SLC13A3: variants seen among roughly 807,000 people sequenced by gnomAD.
SLC13A3 encodes the protein solute carrier family 13 member 3, also known as Na(+)/dicarboxylate cotransporter 3.
In SLC13A3, 40 loss-of-function variants were observed where a neutral mutation model predicts 59.0. That is an observed-to-expected ratio of 0.68 (90% CI 0.53 to 0.88). The LOEUF (loss-of-function observed/expected upper bound fraction) is 0.88, where lower values mean the gene tolerates loss of function less well. SLC13A3 is among the 40% of genes least tolerant of loss of function. The pLI, the probability that SLC13A3 is intolerant of heterozygous loss-of-function variation, is 0.00. For synonymous variants in SLC13A3, 317 were observed against 330.3 expected (o/e 0.96, Z 0.44); for missense variants, 699 against 783.2 (o/e 0.89, Z 1.28).
upstream of SLC13A3, among the ~76,000 whole-genome samples, chr20:46,674,604 C>CGCGCGCGCGCGTGTGT (rs370861850): frequency 8.6e-5 from 11 of 127,878 alleles, no homozygotes; most frequent in African/African-American, 3.2e-4. Context: ...CGCGCGCGCG[C>CGCGCGCGCGCGTGTGT]GTGTGTGTGT....
At chr20:46,632,848 T>C (rs2062753767) in intron 1 of SLC13A3, among the ~76,000 whole-genome samples, 1 of 149,962 alleles carries the variant, frequency 6.7e-6, no homozygotes, top group South Asian at 2.1e-4. Context: ...CCTTCCTCTC[T>C]CCTTTTCTCT....
intron 7 of SLC13A3, 73 bp downstream of exon 7, chr20:46,589,087 G>T: frequency 7.3e-7 from 1 of 1,377,958 alleles, no homozygotes; most frequent in Non-Finnish European, 1.0e-6. Flanking sequence ...ATGGGCCCAA[G>T]GCCAGGCCAG....
intron 4 of SLC13A3, among the ~76,000 whole-genome samples, chr20:46,598,198 C>G (rs2062334568): frequency 6.6e-6 from 1 of 152,084 alleles, no homozygotes; most frequent in South Asian, 2.1e-4. Flanking sequence ...GGACTCCTTC[C>G]CCAGAGGGCA....
chr20:46,594,394 C>T (rs551178574), intron 5 of SLC13A3, among the ~76,000 whole-genome samples: 7 of 152,168 alleles, frequency 4.6e-5, no homozygotes, highest in South Asian at 2.1e-4. Flanking sequence ...AGCCTGTAAA[C>T]GCTTTGACAA....
chr20:46,649,367 T>C (rs1353690457), intron 1 of SLC13A3, among the ~76,000 whole-genome samples: 1 of 152,120 alleles, frequency 6.6e-6, no homozygotes, highest in African/African-American at 2.4e-5. Context: ...TGTAAATCTG[T>C]ATTCATTTTC....
intron 1 of SLC13A3, chr20:46,681,939 TA>T (rs1298169205): frequency 6.6e-6 from 1 of 152,288 alleles, no homozygotes; most frequent in East Asian, 1.9e-4. Context: ...GCAGAGGCCT[TA>T]GGATCCAATC....
rs112088556 is a variant in SLC13A3 at position 46,604,091 on chromosome 20, T to C, written c.542-4054A>G. 6.7e-3 allele frequency among the ~76,000 whole-genome samples: 1,025 copies of C among 151,950 alleles called. 13 individuals are homozygous for C. Among genetic ancestry groups the C allele is most frequent in the African/African-American group, 0.024 (976 of 41,424 alleles). ...CATAGAGAAAGAAGAAAACAGAGCA[T>C]AGGGAATGATTCTGACACTCAGAGC... On this transcript the variant is annotated intron_variant, in intron 3 of 12. Transcript: ENST00000279027.
At chr20:46,583,486 A>AGTGGG (rs1413630853) in intron 9 of SLC13A3, 86 bp downstream of exon 9, 41 of 1,562,792 alleles carry the variant, frequency 2.6e-5, no homozygotes, top group Non-Finnish European at 3.5e-5. Flanking sequence ...TGGTTAGTGC[A>AGTGGG]GTGGGGGGCT....
intron 1 of SLC13A3, among the ~76,000 whole-genome samples, chr20:46,622,613 GGTGTGTGC>G (rs756139524): frequency 0.051 from 5,720 of 112,104 alleles, 163 homozygotes; most frequent in Admixed American, 0.073. Flanking sequence ...ATTGGTGTGT[GGTGTGTGC>G]GTGTGTGTGT....
At chr20:46,566,142 C>A (rs535268371) in intron 11 of SLC13A3, 87 bp downstream of exon 11, 3 of 1,100,546 alleles carry the variant, frequency 2.7e-6, no homozygotes, top group East Asian at 2.4e-5. Flanking sequence ...GCAACTGTGG[C>A]CCCCAGTGAA....
At chr20:46,652,047 TGGACACATAGA>T (rs1178453953), upstream of SLC13A3, among the ~76,000 whole-genome samples, 3 of 152,254 alleles carry the variant, frequency 2.0e-5, no homozygotes, top group East Asian at 3.9e-4. Flanking sequence ...TGAGAACACA[TGGACACATAGA>T]GGGGAACAAC....
chr20:46,608,911 C>T, intron 3 of SLC13A3: 1 of 1,550,714 alleles, frequency 6.4e-7, no homozygotes. Context: ...CACATTCCAC[C>T]CGGCAGGAAG....
At chr20:46,568,985 A>G (rs2062006662) in intron 10 of SLC13A3, among the ~76,000 whole-genome samples, 1 of 151,856 alleles carries the variant, frequency 6.6e-6, no homozygotes, top group Non-Finnish European at 1.5e-5. Flanking sequence ...TTCCCATTTT[A>G]TTTTATTTAT....
chr20:46,561,735 C>T (rs847062), intron 12 of SLC13A3, among the ~76,000 whole-genome samples: 18,400 of 151,322 alleles, frequency 0.12, 1,182 homozygotes, highest in Non-Finnish European at 0.14. Flanking sequence ...GGGGGACATA[C>T]TGCGTGTGCT....
At chr20:46,653,896 T>C (rs562806220), upstream of SLC13A3, among the ~76,000 whole-genome samples, 5 of 152,316 alleles carry the variant, frequency 3.3e-5, no homozygotes, top group African/African-American at 9.6e-5. Flanking sequence ...AATGCAGCTA[T>C]AAACATAGGT....
chr20:46,615,345 C>G (rs2062544702), intron 1 of SLC13A3, among the ~76,000 whole-genome samples: 1 of 152,128 alleles, frequency 6.6e-6, no homozygotes, highest in Non-Finnish European at 1.5e-5. Context: ...AAGAGCCACC[C>G]TCATAGAACA....
At chr20:46,584,441 C>A (rs761829158) in intron 8 of SLC13A3, 10 of 985,274 alleles carry the variant, frequency 1.0e-5, no homozygotes, top group Non-Finnish European at 1.2e-5. Flanking sequence ...GCCTGAAACT[C>A]AGATTGTTCT....
chr20:46,667,162 G>A (rs1473026800), intron 1 of SLC13A3, among the ~76,000 whole-genome samples: 1 of 152,162 alleles, frequency 6.6e-6, no homozygotes, highest in Non-Finnish European at 1.5e-5. Context: ...TCCTGAGCCA[G>A]CCCAATAACC....
At chr20:46,632,770 C>T (rs1300300108) in intron 1 of SLC13A3, among the ~76,000 whole-genome samples, 1 of 151,992 alleles carries the variant, frequency 6.6e-6, no homozygotes, top group Non-Finnish European at 1.5e-5. Flanking sequence ...AGGCTGGGTG[C>T]AACATATAGC....
Sources: gnomAD v4.1 joint callset for allele counts (sites outside exome capture counted in the v4.1 genomes callset) on GRCh38, gnomAD v4.1.1 for gene constraint, MANE v1.5 for transcripts, NCBI Gene and HGNC (gene_info 2026-07-23, HGNC 2026-07-21) for gene names.